Variants in NRG3 observed in about 807,000 individuals in gnomAD.
NRG3 encodes the protein neuregulin 3.
Under a neutral mutation model 66.9 loss-of-function variants are expected in NRG3, and 31 were observed. That is an observed-to-expected ratio of 0.46 (90% CI 0.35 to 0.63). The LOEUF (loss-of-function observed/expected upper bound fraction) is 0.63. Ranked by LOEUF, NRG3 falls within the 20% of genes least tolerant of loss-of-function variation. The probability of loss-of-function intolerance (pLI) is 0.00; values close to 1 mark genes in which losing one functional copy is unlikely to be tolerated. For synonymous variants in NRG3, 393 were observed against 359.4 expected, an observed-to-expected ratio of 1.09 and a Z score of -1.06; for missense variants, 910 against 878.9, an observed-to-expected ratio of 1.04 and a Z score of -0.45.
chr10:82,423,348 A>G (rs1564904430), intron 2 of NRG3, among the ~76,000 whole-genome samples: 1 of 151,934 alleles, frequency 6.6e-6, no homozygotes, highest in East Asian at 1.9e-4. Context: ...TATATATCTA[A>G]TGATTGAAGA....
intron 3 of NRG3, among the ~76,000 whole-genome samples, chr10:82,857,488 A>T (rs1033887234): frequency 2.0e-5 from 3 of 152,156 alleles, no homozygotes; most frequent in African/African-American, 4.8e-5. Context: ...CAGTGGAAAA[A>T]GCTGTCGGTT....
chr10:82,710,124 A>G (rs574451109), intron 2 of NRG3, among the ~76,000 whole-genome samples: 12 of 152,240 alleles, frequency 7.9e-5, no homozygotes, highest in Non-Finnish European at 1.5e-4. Flanking sequence ...GAATGCTGCC[A>G]TTAACATCTT....
At chr10:82,126,993 T>C (rs1158036328) in intron 1 of NRG3, among the ~76,000 whole-genome samples, 3 of 152,092 alleles carry the variant, frequency 2.0e-5, no homozygotes, top group East Asian at 1.9e-4. Flanking sequence ...ATTTGAGATA[T>C]GGCATTCTCA....
chr10:82,618,426 G>A (rs1327282858), intron 2 of NRG3, among the ~76,000 whole-genome samples: 1 of 152,168 alleles, frequency 6.6e-6, no homozygotes, highest in Non-Finnish European at 1.5e-5. Context: ...CTTGGTGACT[G>A]ACAGTTTTAA....
intron 2 of NRG3, among the ~76,000 whole-genome samples, chr10:82,421,649 G>C (rs1348771990): frequency 6.6e-6 from 1 of 151,964 alleles, no homozygotes; most frequent in African/African-American, 2.4e-5. Context: ...TTTTATCCTT[G>C]CATTTATTTT....
chr10:82,108,609 G>T (rs2067203740), intron 1 of NRG3, among the ~76,000 whole-genome samples: 1 of 152,132 alleles, frequency 6.6e-6, no homozygotes, highest in East Asian at 1.9e-4. Context: ...CAAACAAGGA[G>T]GATTTAGGCT....
chr10:82,050,616 C>A (rs143450372), intron 1 of NRG3, among the ~76,000 whole-genome samples: 111 of 152,142 alleles, frequency 7.3e-4, no homozygotes, highest in African/African-American at 2.5e-3. Flanking sequence ...GACTCTCAGT[C>A]TTAGTTTTTA....
At chr10:81,908,541 T>G (rs1199066519) in intron 1 of NRG3, among the ~76,000 whole-genome samples, 2 of 152,214 alleles carry the variant, frequency 1.3e-5, no homozygotes, top group South Asian at 2.1e-4. Flanking sequence ...ATTCACTGGC[T>G]TTGTACAAGT....
chr10:82,847,594 A>C (rs2063362387), intron 3 of NRG3, among the ~76,000 whole-genome samples: 1 of 152,174 alleles, frequency 6.6e-6, no homozygotes, highest in Non-Finnish European at 1.5e-5. Flanking sequence ...TTTAGGTACC[A>C]CCAAGCCAAA....
chr10:82,455,614 CTTTT>C (rs35042088), intron 2 of NRG3, among the ~76,000 whole-genome samples: 1 of 138,164 alleles, frequency 7.2e-6, no homozygotes, highest in African/African-American at 2.6e-5. Flanking sequence ...TTACACTAAA[CTTTT>C]TTTTTTTTTT....
At chr10:81,966,787 A>G (rs2133332537) in intron 1 of NRG3, among the ~76,000 whole-genome samples, 1 of 152,300 alleles carries the variant, frequency 6.6e-6, no homozygotes, top group African/African-American at 2.4e-5. Flanking sequence ...AGTTTTGGCC[A>G]TGTAGCTTTT....
At chr10:82,474,484 A>AGT (rs1342283662) in intron 2 of NRG3, among the ~76,000 whole-genome samples, 14 of 152,194 alleles carry the variant, frequency 9.2e-5, no homozygotes, top group African/African-American at 2.4e-5. Flanking sequence ...AAATTTCACT[A>AGT]GAAGGGTTCA....
At chr10:82,547,649 T>A (rs574760428) in intron 2 of NRG3, among the ~76,000 whole-genome samples, 1 of 151,702 alleles carries the variant, frequency 6.6e-6, no homozygotes, top group Non-Finnish European at 1.5e-5. Context: ...ATATATATAT[T>A]TATGCACACA....
chr10:82,762,832 A>G (rs1018933895), intron 3 of NRG3, among the ~76,000 whole-genome samples: 1 of 152,156 alleles, frequency 6.6e-6, no homozygotes, highest in Admixed American at 6.6e-5. Context: ...CCCAAAACCC[A>G]TGTTGAAGTT....
At chr10:81,960,706 C>T (rs888360246) in intron 1 of NRG3, among the ~76,000 whole-genome samples, 3 of 151,110 alleles carry the variant, frequency 2.0e-5, no homozygotes, top group South Asian at 2.1e-4. Flanking sequence ...GCAGCCTGGG[C>T]GTTCCTTTGC....
intron 1 of NRG3, among the ~76,000 whole-genome samples, chr10:82,239,125 T>C (rs1001629326): frequency 2.0e-5 from 3 of 151,840 alleles, no homozygotes; most frequent in Non-Finnish European, 4.4e-5. Flanking sequence ...TATAATACGA[T>C]CTATTAAACA....
chr10:82,826,306 A>G (rs540895786), intron 3 of NRG3, among the ~76,000 whole-genome samples: 97 of 152,350 alleles, frequency 6.4e-4, no homozygotes, highest in Non-Finnish European at 1.1e-3. Flanking sequence ...TTTGGTATCC[A>G]TATCTGACCA....
chr10:82,121,194 G>T (rs1024904826), intron 1 of NRG3, among the ~76,000 whole-genome samples: 3 of 151,986 alleles, frequency 2.0e-5, no homozygotes, highest in Non-Finnish European at 4.4e-5. Flanking sequence ...CTGGCTGCAG[G>T]ACATTCTTCC....
At chr10:81,966,241 A>C (rs977379226) in intron 1 of NRG3, among the ~76,000 whole-genome samples, 1 of 150,854 alleles carries the variant, frequency 6.6e-6, no homozygotes, top group Non-Finnish European at 1.5e-5. Context: ...CTACCTTGTC[A>C]TAATATGTTC....
Sources: allele counts gnomAD v4.1 joint callset (sites outside exome capture counted in the v4.1 genomes callset), GRCh38; gene constraint gnomAD v4.1.1; transcripts MANE v1.5; gene names NCBI Gene and HGNC (gene_info 2026-07-23, HGNC 2026-07-21).